Variants in UBR2 observed in about 807,000 individuals in gnomAD.
UBR2 encodes ubiquitin protein ligase E3 component n-recognin 2.
Under a neutral mutation model 247.9 loss-of-function variants are expected in UBR2, and 92 were observed. The ratio of observed to expected loss-of-function variants is 0.37; its 90% confidence interval spans 0.31 to 0.44. The LOEUF (loss-of-function observed/expected upper bound fraction) is 0.44, where lower values mean the gene tolerates loss of function less well. Among genes scored for constraint, UBR2 ranks in the 20% least tolerant of loss-of-function variants. The pLI is 1.00. For missense variants in UBR2, 1,613 were observed against 2,112.6 expected, an observed-to-expected ratio of 0.76 and a Z score of 4.64; for synonymous variants, 672 against 693.5, an observed-to-expected ratio of 0.97 and a Z score of 0.49.
chr6:42,581,465 A>G (rs1470799114), intron 2 of UBR2, among the ~76,000 whole-genome samples: 1 of 152,174 alleles, frequency 6.6e-6, no homozygotes, highest in Admixed American at 6.5e-5. Flanking sequence ...TGTTGGGATT[A>G]CAGGCATGAG....
chr6:42,592,149 A>C lies in UBR2; in HGVS notation c.339-2A>C. 1 of 1,601,342 alleles carries C rather than the reference A, an allele frequency of 6.2e-7. No homozygotes were observed. The highest frequency in any genetic ancestry group is 2.2e-5 in the East Asian group (1 of 44,730). ...TTTGATTTTTTTTTTTTAACTTTACAGAGACTGTGCAGTTGATCCAACTTG... is the reference window on the plus strand; with the variant it reads ...TTTGATTTTTTTTTTTTAACTTTACCGAGACTGTGCAGTTGATCCAACTTG... On this transcript the variant is annotated splice_acceptor_variant, in intron 2 of 46. Transcript: ENST00000372901. LOFTEE classifies it high-confidence loss of function.
intron 11 of UBR2, among the ~76,000 whole-genome samples, chr6:42,622,028 C>A (rs1248653326): frequency 1.3e-5 from 2 of 150,536 alleles, no homozygotes; most frequent in Non-Finnish European, 3.0e-5. Context: ...TCTTTTTTTT[C>A]TTTTTGAGAT....
At chr6:42,567,677 C>T (rs1482033269) in intron 1 of UBR2, among the ~76,000 whole-genome samples, 3 of 152,020 alleles carry the variant, frequency 2.0e-5, no homozygotes, top group Admixed American at 6.6e-5. Flanking sequence ...TGCAGTGAGC[C>T]GAGATCGCGC....
chr6:42,682,694 A>G (rs1012764713), intron 42 of UBR2, among the ~76,000 whole-genome samples: 1 of 152,224 alleles, frequency 6.6e-6, no homozygotes, highest in African/African-American at 2.4e-5. Flanking sequence ...TGCAGGGATT[A>G]CAGGCATGAG....
chr6:42,671,649 T>C (rs1319916790), intron 36 of UBR2, among the ~76,000 whole-genome samples: 1 of 152,200 alleles, frequency 6.6e-6, no homozygotes, highest in Non-Finnish European at 1.5e-5. Context: ...CTTTTATTTC[T>C]CTCCATTCCT....
At position 42,625,812 on chromosome 6, in the gene UBR2, T is replaced by TC. The variant is rs914924273; in HGVS notation, c.1282-6734dup. Among the ~76,000 whole-genome samples, 78 of 148,842 alleles carry TC rather than the reference T, an allele frequency of 5.2e-4. 2 individuals are homozygous for TC. Among genetic ancestry groups the TC allele is most frequent in the South Asian group, 1.3e-3 (6 of 4,708 alleles). ...ACCTTTAGTTGCGTTGATTTATTTT[T>TC]CCCCCCTTTTTTTTTTTTTGAGGCG... On this transcript the variant is annotated intron_variant, in intron 11 of 46. Coordinates refer to ENST00000372901, the MANE Select transcript of UBR2 (RefSeq NM_001363705.2).
chr6:42,675,906 G>T, intron 38 of UBR2, 150 bp from the exon 39 acceptor site: 1 of 1,002,168 alleles, frequency 1.0e-6, no homozygotes, highest in Non-Finnish European at 1.4e-6. Flanking sequence ...GCAGTGAACC[G>T]AGGTTGCGCC....
Position 42,652,089 on chromosome 6 carries a change from G to A in UBR2, c.2614+18G>A. 6.4e-7 allele frequency: 1 copy of A among 1,572,620 alleles called. No homozygotes were observed. Among genetic ancestry groups the A allele is most frequent in the South Asian group, 1.2e-5 (1 of 83,854 alleles). ...AGATACAGGTATTTTTAATCTTTCTGAAAATGTCTTGCCCATCTTTTTTGC... is the reference window on the plus strand; with the variant it reads ...AGATACAGGTATTTTTAATCTTTCTAAAAATGTCTTGCCCATCTTTTTTGC... On this transcript the variant is annotated intron_variant, in intron 24 of 46. Coordinates refer to ENST00000372901, the MANE Select transcript of UBR2 (RefSeq NM_001363705.2).
rs538685577 is a variant in UBR2 at position 42,580,776 on chromosome 6, C to T, written c.338+6783C>T. 2.5e-4 allele frequency among the ~76,000 whole-genome samples: 38 copies of T among 152,232 alleles called. No individual in the cohort carries two copies. The South Asian group carries it at 6.9e-3, about 27-fold the overall frequency. On this transcript the variant is annotated intron_variant, in intron 2 of 46. Transcript: ENST00000372901. ...CAGGATGGTCTCGATCTCCTGACCT[C>T]GTGATCTGCCCACCTCGGCCTCTCA...
In UBR2 at chr6:42,689,787, G is replaced by C; in HGVS notation, c.5126+117G>C. The stretch of plus-strand genomic sequence containing the variant: ...GGAAGAGGTGGCTGTGTTATCTGTG[G>C]AGTCTTCCAAGGAGGGTGCCCTGTC... On this transcript the variant is annotated intron_variant, in intron 46 of 46. Transcript: ENST00000372901. This position sits in a 1 kb window ranked among gnomAD's most constrained non-coding sequence, Gnocchi z 4.0. 1.1e-6 allele frequency: 1 copy of C among 915,442 alleles called. No individual in the cohort carries two copies. Among genetic ancestry groups the C allele is most frequent in the Non-Finnish European group, 1.8e-6 (1 of 568,358 alleles). The allele number at this position is 915,442 out of a possible 1,614,324, so 56.7% of individuals were successfully genotyped here. A position where few individuals can be genotyped will look rare whatever the true frequency, so the allele number is the denominator to read the frequency against.
intron 8 of UBR2, among the ~76,000 whole-genome samples, chr6:42,614,424 A>ATATATACT (rs74187423): frequency 1.1e-5 from 1 of 87,826 alleles, no homozygotes; most frequent in Admixed American, 1.1e-4. Context: ...ACGTACGTAC[A>ATATATACT]TATATATGTA....
At chr6:42,597,239 G>A (rs539065127) in intron 4 of UBR2, among the ~76,000 whole-genome samples, 2 of 152,222 alleles carry the variant, frequency 1.3e-5, no homozygotes, top group East Asian at 3.9e-4. Flanking sequence ...CCTGGAGAAT[G>A]TATACTCCTG....
chr6:42,581,900 A>G (rs1791925724), intron 2 of UBR2, among the ~76,000 whole-genome samples: 1 of 152,228 alleles, frequency 6.6e-6, no homozygotes, highest in Non-Finnish European at 1.5e-5. Context: ...AATATTAGGC[A>G]TTGTTATTCT....
chr6:42,678,021 C>A (rs1410827289), intron 40 of UBR2, among the ~76,000 whole-genome samples: 2 of 151,966 alleles, frequency 1.3e-5, no homozygotes, highest in Admixed American at 1.3e-4. Context: ...TTTTCATTTT[C>A]CACATTTTCT....
At chr6:42,647,912 A>T (rs1796874918) in intron 21 of UBR2, among the ~76,000 whole-genome samples, 1 of 152,240 alleles carries the variant, frequency 6.6e-6, no homozygotes, top group African/African-American at 2.4e-5. Flanking sequence ...AAAATAATAC[A>T]TCAATTTGAA....
At chr6:42,589,285 G>A (rs1055819509) in intron 2 of UBR2, among the ~76,000 whole-genome samples, 2 of 152,140 alleles carry the variant, frequency 1.3e-5, no homozygotes, top group Non-Finnish European at 2.9e-5. Flanking sequence ...GCTTTTCTGT[G>A]TGTAATTTTT....
chr6:42,629,812 G>A (rs1368957581), intron 11 of UBR2, among the ~76,000 whole-genome samples: 2 of 152,124 alleles, frequency 1.3e-5, no homozygotes, highest in Admixed American at 1.3e-4. Flanking sequence ...AGAACCTAAG[G>A]TCTTTTATTT....
intron 32 of UBR2, among the ~76,000 whole-genome samples, chr6:42,665,175 A>G (rs1218666430): frequency 6.6e-6 from 1 of 152,202 alleles, no homozygotes; most frequent in Admixed American, 6.5e-5. Context: ...GCAAATTCCA[A>G]TACTGAAGAG....
chr6:42,687,253 C>T (rs576518063), intron 44 of UBR2, among the ~76,000 whole-genome samples: 78 of 152,338 alleles, frequency 5.1e-4, no homozygotes, highest in African/African-American at 1.8e-3. Flanking sequence ...GAGGCCGAGG[C>T]TGGCAGATCA....
Sources: allele counts gnomAD v4.1 joint callset (sites outside exome capture counted in the v4.1 genomes callset), GRCh38; gene constraint gnomAD v4.1.1; non-coding constraint Gnocchi (gnomAD v3.1); transcripts MANE v1.5; gene names NCBI Gene and HGNC (gene_info 2026-07-23, HGNC 2026-07-21).